The following NBPF12 variants were observed in gnomAD, a reference collection of about 807,000 sequenced individuals.
NBPF12 encodes NBPF family member NBPF12.
In NBPF12, 115 loss-of-function variants were observed where a neutral mutation model predicts 146.4. The ratio of observed to expected loss-of-function variants is 0.79; its 90% confidence interval spans 0.68 to 0.92. The LOEUF is 0.92. NBPF12 is among the 40% of genes least tolerant of loss of function. The pLI is 0.00. For missense variants in NBPF12, 1,205 were observed against 1,326.8 expected, an observed-to-expected ratio of 0.91 and a Z score of 1.43; for synonymous variants, 385 against 508.9, an observed-to-expected ratio of 0.76 and a Z score of 3.28.
At chr1:146,978,636 C>T (rs1182575355) in intron 18 of NBPF12, among the ~76,000 whole-genome samples, 30 of 151,544 alleles carry the variant, frequency 2.0e-4, no homozygotes, top group Admixed American at 6.6e-4. Flanking sequence ...GATATAAGTC[C>T]GTATTGCAGC....
intron 1 of NBPF12, among the ~76,000 whole-genome samples, chr1:146,941,359 A>G (rs1488026061): frequency 4.6e-5 from 7 of 151,886 alleles, no homozygotes; most frequent in African/African-American, 1.5e-4. Context: ...TGTTGGGATT[A>G]TAGGCATGAG....
chr1:146,981,277 TAAA>T (rs878971787), intron 19 of NBPF12, among the ~76,000 whole-genome samples: 4,288 of 101,172 alleles, frequency 0.042, 204 homozygotes, highest in South Asian at 0.059. Context: ...CTTAAAGTAT[TAAA>T]AAAAAAAAAA....
At chr1:146,971,914 C>T (rs1280569942) in intron 13 of NBPF12, among the ~76,000 whole-genome samples, 1 of 69,426 alleles carries the variant, frequency 1.4e-5, no homozygotes, top group Non-Finnish European at 2.4e-5. Flanking sequence ...CCCATCTTTA[C>T]TAAAAATACA....
intron 2 of NBPF12, among the ~76,000 whole-genome samples, chr1:146,953,725 CATT>C (rs1180488301): frequency 1.0e-5 from 1 of 98,824 alleles, no homozygotes; most frequent in Non-Finnish European, 1.9e-5. Flanking sequence ...CCACAAGTAA[CATT>C]ATATTAAATG....
At chr1:146,965,791 CAAAAAAAAAAAAAA>C (rs1162462110) in intron 8 of NBPF12, among the ~76,000 whole-genome samples, 5 of 30,056 alleles carry the variant, frequency 1.7e-4, no homozygotes, top group South Asian at 3.4e-3. Flanking sequence ...GACTGCATCT[CAAAAAAAAAAAAAA>C]AAAAAAAAAA....
intron 11 of NBPF12, 31 bp from the exon 15 acceptor site, chr1:146,970,616 A>G: frequency 3.2e-6 from 5 of 1,569,086 alleles, no homozygotes; most frequent in Non-Finnish European, 3.5e-6. Context: ...GTGAAGTGGA[A>G]AATATCTGAA....
At chr1:146,966,626 T>G in exon 9 of NBPF12, 1 of 1,508,738 alleles carries the variant, frequency 6.6e-7, no homozygotes, top group South Asian at 1.1e-5. Context: ...GAGAAATGTT[T>G]TGTAACTCAA....
At chr1:146,972,564 G>A (rs1429612827) in intron 13 of NBPF12, among the ~76,000 whole-genome samples, 187 bp from the exon 17 acceptor site, 1 of 151,546 alleles carries the variant, frequency 6.6e-6, no homozygotes, top group African/African-American at 2.4e-5. Flanking sequence ...CTGGTTTCAA[G>A]GTGACTGCAT....
chr1:146,972,642 A>G (rs1442964278), intron 13 of NBPF12, 109 bp from the exon 17 acceptor site: 7 of 989,064 alleles, frequency 7.1e-6, no homozygotes, highest in African/African-American at 6.4e-5. Flanking sequence ...GGGAAACAAC[A>G]TCTTCAAATA....
intron 13 of NBPF12, among the ~76,000 whole-genome samples, chr1:146,971,614 A>G (rs1656617433): frequency 6.8e-6 from 1 of 146,550 alleles, no homozygotes; most frequent in African/African-American, 2.6e-5. Flanking sequence ...ATATGGTGAA[A>G]CCCATCTTTA....
chr1:146,943,668 C>G, intron 2 of NBPF12, 106 bp downstream of exon 2: 1 of 693,596 alleles, frequency 1.4e-6, no homozygotes, highest in Non-Finnish European at 1.9e-6. Context: ...ATCACAGGGC[C>G]TTGCGTGGCA....
At chr1:146,978,039 T>C (rs1369192202) in intron 18 of NBPF12, among the ~76,000 whole-genome samples, 20 of 151,890 alleles carry the variant, frequency 1.3e-4, no homozygotes, top group Non-Finnish European at 2.9e-4. Context: ...CTGGCAGCCT[T>C]GCCTTTGTAT....
chr1:146,972,160 G>T (rs71271422), intron 13 of NBPF12, among the ~76,000 whole-genome samples: 188 of 146,990 alleles, frequency 1.3e-3, no homozygotes, highest in Middle Eastern at 7.3e-3. Context: ...TTTGGGAGGC[G>T]GAGGTAGGTG....
At chr1:146,971,216 T>G in exon 13 of NBPF12, 1 of 1,611,960 alleles carries the variant, frequency 6.2e-7, no homozygotes, top group Non-Finnish European at 8.5e-7. Flanking sequence ...GCAAAGTCCC[T>G]GAGGACTCAC....
intron 13 of NBPF12, among the ~76,000 whole-genome samples, chr1:146,971,788 A>G (rs1656634631): frequency 6.6e-6 from 1 of 150,806 alleles, no homozygotes; most frequent in East Asian, 1.9e-4. Flanking sequence ...AGCTATTAAT[A>G]AGAAGTCTTG....
intron 1 of NBPF12, among the ~76,000 whole-genome samples, chr1:146,940,908 A>C (rs1395231638): frequency 1.2e-4 from 18 of 151,924 alleles, no homozygotes; most frequent in African/African-American, 3.9e-4. Context: ...TCTTTCATGA[A>C]GTGCCTGTTA....
At chr1:146,971,005 G>T (rs1656575087) in intron 12 of NBPF12, among the ~76,000 whole-genome samples, 178 bp from the exon 16 acceptor site, 4 of 151,520 alleles carry the variant, frequency 2.6e-5, no homozygotes, top group South Asian at 2.1e-4. Flanking sequence ...TGGCTCCCAT[G>T]GCAGCCATGC....
intron 8 of NBPF12, among the ~76,000 whole-genome samples, chr1:146,965,359 T>G (rs1383886471): frequency 0.16 from 23,195 of 149,574 alleles, 1,658 homozygotes; most frequent in Admixed American, 0.26. Flanking sequence ...AATTAGGCAG[T>G]CATGGTGCTG....
intron 1 of NBPF12, among the ~76,000 whole-genome samples, 180 bp downstream of exon 1, chr1:146,939,192 C>T (rs1424559491): frequency 6.6e-6 from 1 of 152,008 alleles, no homozygotes; most frequent in African/African-American, 2.4e-5. Context: ...CAGCCCTCCT[C>T]TCGTGGGCGC....
Sources: gnomAD v4.1 joint callset for allele counts (sites outside exome capture counted in the v4.1 genomes callset) on GRCh38, gnomAD v4.1.1 for gene constraint, MANE v1.5 for transcripts, NCBI Gene and HGNC (gene_info 2026-07-23, HGNC 2026-07-21) for gene names.